The following TUSC3 variants were observed in gnomAD, a reference collection of about 807,000 sequenced individuals.
TUSC3 encodes the protein tumor suppressor candidate 3.
A neutral mutation model predicts 44.8 loss-of-function variants in TUSC3; 45 were observed. The ratio of observed to expected loss-of-function variants is 1.00; its 90% CI spans 0.79 to 1.29. The LOEUF (loss-of-function observed/expected upper bound fraction) is 1.29. Ranked by LOEUF, TUSC3 falls within the 50% of genes most tolerant of loss-of-function variation. The pLI, the probability that TUSC3 is intolerant of heterozygous loss-of-function variation, is 0.00. For missense variants in TUSC3, 519 were observed against 437.9 expected, an observed-to-expected ratio of 1.19 and a Z score of -1.65; for synonymous variants, 212 against 152.9, an observed-to-expected ratio of 1.39 and a Z score of -2.85.
At chr8:15,714,900 A>G (rs1286163472) in intron 6 of TUSC3, among the ~76,000 whole-genome samples, 1 of 152,124 alleles carries the variant, frequency 6.6e-6, no homozygotes, top group Non-Finnish European at 1.5e-5. Context: ...TCTTGGTAGG[A>G]TTTCTTCCTC....
At chr8:15,509,236 G>C (rs1444959751) in intron 2 of TUSC3, among the ~76,000 whole-genome samples, 1 of 152,158 alleles carries the variant, frequency 6.6e-6, no homozygotes, top group Non-Finnish European at 1.5e-5. Flanking sequence ...CTTTCTTGAT[G>C]CTCTTGTCAA....
At chr8:15,511,289 G>A (rs990324199) in intron 2 of TUSC3, among the ~76,000 whole-genome samples, 1 of 152,054 alleles carries the variant, frequency 6.6e-6, no homozygotes, top group Admixed American at 6.6e-5. Flanking sequence ...GGGAGGGAGG[G>A]AGGTGAGGAA....
At chr8:15,491,793 C>T (rs1193792217) in intron 2 of TUSC3, among the ~76,000 whole-genome samples, 1 of 152,194 alleles carries the variant, frequency 6.6e-6, no homozygotes, top group African/African-American at 2.4e-5. Flanking sequence ...GCCTGAATTC[C>T]TCAACAAGTT....
At chr8:15,804,689 T>C in the TUSC3 span, among the ~76,000 whole-genome samples, 3 of 152,216 alleles carry the variant, frequency 2.0e-5, no homozygotes, top group Non-Finnish European at 4.4e-5. Flanking sequence ...ATGTGTCTGC[T>C]TTTGTACCAG....
the TUSC3 span, among the ~76,000 whole-genome samples, chr8:15,790,400 G>A: frequency 2.0e-5 from 3 of 151,944 alleles, no homozygotes; most frequent in African/African-American, 7.3e-5. Context: ...GGCCGGGATG[G>A]TCTCCATGTC....
At chr8:15,850,076 A>G in the TUSC3 span, among the ~76,000 whole-genome samples, 1 of 150,318 alleles carries the variant, frequency 6.7e-6, no homozygotes, top group Admixed American at 6.6e-5. Flanking sequence ...TGTAGCTCTG[A>G]CAGTGATTTA....
the TUSC3 span, among the ~76,000 whole-genome samples, chr8:15,798,072 G>A: frequency 6.6e-6 from 1 of 152,194 alleles, no homozygotes; most frequent in Non-Finnish European, 1.5e-5. Context: ...AAGGTACGGA[G>A]CTATTTCTAT....
chr8:15,478,115 C>G (rs951906024), intron 1 of TUSC3, among the ~76,000 whole-genome samples: 2 of 151,902 alleles, frequency 1.3e-5, no homozygotes, highest in Admixed American at 1.3e-4. Context: ...CACCACCATG[C>G]CCAGCTAACT....
intron 7 of TUSC3, among the ~76,000 whole-genome samples, chr8:15,732,839 C>T (rs1810780465): frequency 6.6e-6 from 1 of 152,198 alleles, no homozygotes; most frequent in African/African-American, 2.4e-5. Flanking sequence ...CTTCCTGTGT[C>T]TGTCTCCATT....
intron 1 of TUSC3, among the ~76,000 whole-genome samples, chr8:15,617,245 T>G (rs181220883): frequency 2.6e-5 from 4 of 151,210 alleles, no homozygotes; most frequent in Admixed American, 2.6e-4. Context: ...GTTCAAGTGA[T>G]TCTCCTGCTT....
At chr8:15,626,684 G>T (rs754480533) in intron 2 of TUSC3, among the ~76,000 whole-genome samples, 3 of 152,212 alleles carry the variant, frequency 2.0e-5, no homozygotes, top group African/African-American at 7.2e-5. Flanking sequence ...GCTCTTGGTG[G>T]CTGCTCCAGT....
At chr8:15,640,037 T>G (rs1460060996) in intron 2 of TUSC3, among the ~76,000 whole-genome samples, 2 of 152,178 alleles carry the variant, frequency 1.3e-5, no homozygotes, top group African/African-American at 4.8e-5. Context: ...GCTTGCCATA[T>G]GGGAACTTGG....
At chr8:15,488,595 A>G (rs1800765600) in intron 2 of TUSC3, among the ~76,000 whole-genome samples, 1 of 152,164 alleles carries the variant, frequency 6.6e-6, no homozygotes, top group African/African-American at 2.4e-5. Context: ...TGTGTTGTTT[A>G]TTTGGAGGTA....
intron 1 of TUSC3, among the ~76,000 whole-genome samples, chr8:15,418,082 A>G (rs1389463197): frequency 6.6e-6 from 1 of 152,206 alleles, no homozygotes; most frequent in Non-Finnish European, 1.5e-5. Flanking sequence ...AAAGGAGAAA[A>G]CTACTATTTT....
chr8:15,828,926 A>C, the TUSC3 span, among the ~76,000 whole-genome samples: 6 of 152,238 alleles, frequency 3.9e-5, no homozygotes, highest in Non-Finnish European at 5.9e-5. Context: ...AAAATACATG[A>C]ATCCATTAAA....
At chr8:15,835,692 C>T in the TUSC3 span, among the ~76,000 whole-genome samples, 1 of 151,950 alleles carries the variant, frequency 6.6e-6, no homozygotes, top group African/African-American at 2.4e-5. Context: ...ATGCTCTGTG[C>T]AGCTAGGAGA....
intron 1 of TUSC3, among the ~76,000 whole-genome samples, chr8:15,589,468 G>C (rs1438574859): frequency 2.0e-5 from 3 of 152,100 alleles, no homozygotes. Context: ...GGAAGTTTTA[G>C]GAAGGAAAAG....
At chr8:15,641,261 T>C (rs1476784324) in intron 2 of TUSC3, among the ~76,000 whole-genome samples, 1 of 150,066 alleles carries the variant, frequency 6.7e-6, no homozygotes, top group Non-Finnish European at 1.5e-5. Flanking sequence ...CTCGGGAGGC[T>C]GAGGCAGGAG....
At chr8:15,511,868 CA>C (rs34625930) in intron 2 of TUSC3, among the ~76,000 whole-genome samples, 7 of 147,808 alleles carry the variant, frequency 4.7e-5, no homozygotes, top group East Asian at 4.0e-4. Flanking sequence ...AAGACAGTCT[CA>C]AAAAAAAAAG....
Sources: allele counts gnomAD v4.1 joint callset (sites outside exome capture counted in the v4.1 genomes callset), GRCh38; gene constraint gnomAD v4.1.1; transcripts MANE v1.5; gene names NCBI Gene and HGNC (gene_info 2026-07-23, HGNC 2026-07-21).